The following NAV3 variants were observed in gnomAD, a reference collection of about 807,000 sequenced individuals.
The protein encoded by NAV3 is neuron navigator 3.
Under a neutral mutation model 244.7 loss-of-function variants are expected in NAV3, and 87 were observed. That is an observed-to-expected ratio of 0.36 (90% CI 0.30 to 0.42). NAV3 has a LOEUF of 0.42. Among genes scored for constraint, NAV3 ranks in the 20% least tolerant of loss-of-function variants. NAV3 has a pLI of 1.00. For synonymous variants in NAV3, 1,126 were observed against 1,042.2 expected (o/e 1.08, Z -1.55); for missense variants, 2,663 against 2,893.3 (o/e 0.92, Z 1.83).
At chr12:77,606,312 A>T (rs983883215) in intron 2 of NAV3, among the ~76,000 whole-genome samples, 4 of 152,268 alleles carry the variant, frequency 2.6e-5, no homozygotes, top group African/African-American at 9.6e-5. Context: ...AAACCATGCT[A>T]TTAACTGGCC....
intron 2 of NAV3, among the ~76,000 whole-genome samples, chr12:77,789,287 A>C (rs1156385347): frequency 8.0e-6 from 1 of 125,386 alleles, no homozygotes; most frequent in East Asian, 2.5e-4. Flanking sequence ...TCCCTGCATC[A>C]CTTGGTTTAT....
chr12:78,017,208 T>G (rs1566022637), intron 8 of NAV3, among the ~76,000 whole-genome samples: 1 of 152,162 alleles, frequency 6.6e-6, no homozygotes, highest in Admixed American at 6.6e-5. Context: ...ACATATTAAG[T>G]GCACAAAAAC....
At chr12:78,128,621 T>TAACC (rs2138843212) in intron 17 of NAV3, 85 bp from the exon 18 acceptor site, 2 of 1,347,384 alleles carry the variant, frequency 1.5e-6, no homozygotes, top group South Asian at 2.9e-5. Context: ...TTCTGAATAG[T>TAACC]AACCTCCTCT....
At chr12:77,893,571 AACTC>A (rs933136730) in intron 1 of NAV3, among the ~76,000 whole-genome samples, 30 of 152,050 alleles carry the variant, frequency 2.0e-4, no homozygotes, top group Non-Finnish European at 3.4e-4. Context: ...TTAATGAAAA[AACTC>A]AGATAGCCAA....
intron 2 of NAV3, among the ~76,000 whole-genome samples, chr12:77,616,921 A>G (rs1871164266): frequency 6.6e-6 from 1 of 152,174 alleles, no homozygotes; most frequent in African/African-American, 2.4e-5. Flanking sequence ...ATTACTGATT[A>G]TTTTAACTTG....
At chr12:77,638,496 G>GA (rs1872254309) in intron 2 of NAV3, among the ~76,000 whole-genome samples, 1 of 152,178 alleles carries the variant, frequency 6.6e-6, no homozygotes, top group Non-Finnish European at 1.5e-5. Context: ...CTTTCTATGA[G>GA]AAGTCACACT....
chr12:78,125,451 A>G (rs1287614273), intron 16 of NAV3, among the ~76,000 whole-genome samples: 1 of 152,218 alleles, frequency 6.6e-6, no homozygotes, highest in Non-Finnish European at 1.5e-5. Flanking sequence ...CCATTGAGCC[A>G]TAACTAGTCT....
At chr12:78,135,393 T>C (rs1032645321) in intron 18 of NAV3, among the ~76,000 whole-genome samples, 5 of 152,188 alleles carry the variant, frequency 3.3e-5, no homozygotes, top group Admixed American at 6.6e-5. Context: ...ATGCAAACTA[T>C]TCCCTTTAAA....
intron 3 of NAV3, among the ~76,000 whole-genome samples, chr12:77,945,570 G>A (rs1024039280): frequency 6.6e-6 from 1 of 152,024 alleles, no homozygotes; most frequent in Non-Finnish European, 1.5e-5. Flanking sequence ...TTACATAAGT[G>A]TTACATGTAT....
At chr12:78,103,225 T>G (rs1358378909) in intron 12 of NAV3, among the ~76,000 whole-genome samples, 3 of 152,142 alleles carry the variant, frequency 2.0e-5, no homozygotes, top group Admixed American at 2.0e-4. Context: ...CTAAATCATC[T>G]CTCTCAAGTT....
rs1268587002 is a variant in NAV3 at position 78,131,654 on chromosome 12, C to A, written c.4441+2788C>A. Reference sequence around the variant, plus strand: ...TTATTATTCTGATTAAATCCACCTTCATTATTCCTTAGGAACAAAAAGACT... The same window carrying A: ...TTATTATTCTGATTAAATCCACCTTAATTATTCCTTAGGAACAAAAAGACT... On this transcript the variant is annotated intron_variant, in intron 18 of 39. Transcript: ENST00000397909. Among the ~76,000 whole-genome samples, 3 of 152,278 alleles carry A rather than the reference C, an allele frequency of 2.0e-5. No individual in the cohort carries two copies. The East Asian group carries it at 5.8e-4, about 29-fold the overall frequency.
At chr12:77,990,474 G>C (rs1402699042) in intron 5 of NAV3, among the ~76,000 whole-genome samples, 1 of 152,164 alleles carries the variant, frequency 6.6e-6, no homozygotes, top group African/African-American at 2.4e-5. Context: ...TATCTAAGAG[G>C]CCTGATGGTC....
rs1956556841 is a variant in NAV3, at chr12:78,140,436, C to A, written c.4683+102C>A. ...ACAGATCACATTCATCTATGACTTG[C>A]ACAGGAGTTGTGTAGCAAAATAACG... On this transcript the variant is annotated intron_variant, in intron 20 of 39. Coordinates refer to ENST00000397909, the MANE Select transcript of NAV3 (RefSeq NM_001024383.2). 8 of 1,062,304 alleles carry A rather than the reference C, an allele frequency of 7.5e-6. No individual in the cohort carries two copies. The South Asian group carries it at 1.0e-4, about 14-fold the overall frequency. The allele number at this position is 1,062,304 out of a possible 1,614,324, so 65.8% of individuals were successfully genotyped here. A position where few individuals can be genotyped will look rare whatever the true frequency, so the allele number is the denominator to read the frequency against.
At chr12:78,094,959 A>G (rs566866257) in intron 12 of NAV3, among the ~76,000 whole-genome samples, 205 of 151,512 alleles carry the variant, frequency 1.4e-3, no homozygotes, top group Non-Finnish European at 2.3e-3. Context: ...AGGCAGGAGA[A>G]TCGCTTGAAC....
chr12:77,974,239 G>A (rs1332715716), intron 5 of NAV3, among the ~76,000 whole-genome samples: 1 of 151,816 alleles, frequency 6.6e-6, no homozygotes, highest in Non-Finnish European at 1.5e-5. Context: ...TTAAATATAT[G>A]TAATATAAAA....
intron 2 of NAV3, among the ~76,000 whole-genome samples, chr12:77,666,847 G>T (rs1196370059): frequency 6.6e-6 from 1 of 151,958 alleles, no homozygotes; most frequent in Non-Finnish European, 1.5e-5. Flanking sequence ...GGTAACAATG[G>T]CTTTCTTTTG....
chr12:77,747,328 A>G (rs1158459422), intron 2 of NAV3, among the ~76,000 whole-genome samples: 1 of 152,194 alleles, frequency 6.6e-6, no homozygotes, highest in Non-Finnish European at 1.5e-5. Context: ...CAAAACCACA[A>G]TGAGATACCA....
At chr12:78,160,378 A>AGTGTGTGTGTGTGTGTGTGTGT (rs10628612) in intron 23 of NAV3, among the ~76,000 whole-genome samples, 66 of 134,048 alleles carry the variant, frequency 4.9e-4, no homozygotes, top group East Asian at 2.1e-3. Context: ...AATTCTATGG[A>AGTGTGTGTGTGTGTGTGTGTGT]GTGTGTGTGT....
intron 1 of NAV3, among the ~76,000 whole-genome samples, chr12:77,930,949 T>G (rs1888721483): frequency 6.6e-6 from 1 of 152,128 alleles, no homozygotes; most frequent in Non-Finnish European, 1.5e-5. Flanking sequence ...AACTTGAACT[T>G]TTAAAATTTG....
Sources: allele counts gnomAD v4.1 joint callset (sites outside exome capture counted in the v4.1 genomes callset), GRCh38; gene constraint gnomAD v4.1.1; transcripts MANE v1.5; gene names NCBI Gene and HGNC (gene_info 2026-07-23, HGNC 2026-07-21).